The following NCKAP5 variants were observed in gnomAD, a reference collection of about 807,000 sequenced individuals.
The protein encoded by NCKAP5 is nck-associated protein 5.
NCKAP5 carries 92 observed loss-of-function variants against 167.0 expected under a neutral mutation model. The ratio of observed to expected loss-of-function variants is 0.55; its 90% CI spans 0.47 to 0.66. The LOEUF is 0.66. NCKAP5 is among the 30% of genes least tolerant of loss of function. NCKAP5 has a pLI of 0.00. For synonymous variants in NCKAP5, 891 were observed against 877.4 expected (o/e 1.02, Z -0.27); for missense variants, 2,378 against 2,315.0 (o/e 1.03, Z -0.56).
At chr2:133,646,552 G>A in the NCKAP5 span, among the ~76,000 whole-genome samples, 1 of 152,004 alleles carries the variant, frequency 6.6e-6, no homozygotes, top group Admixed American at 6.6e-5. Flanking sequence ...AAAAGCTGAG[G>A]GAGTTTGTTT....
intron 7 of NCKAP5, among the ~76,000 whole-genome samples, chr2:132,965,628 C>T (rs1337777643): frequency 6.6e-6 from 1 of 152,092 alleles, no homozygotes; most frequent in Non-Finnish European, 1.5e-5. Flanking sequence ...CACATATACA[C>T]AGTCACACAT....
intron 8 of NCKAP5, among the ~76,000 whole-genome samples, chr2:132,943,493 C>T (rs1372380663): frequency 1.3e-5 from 2 of 152,208 alleles, no homozygotes; most frequent in African/African-American, 4.8e-5. Flanking sequence ...ATGCAAAGAG[C>T]TGAGAGAAAG....
At chr2:133,308,174 C>T (rs1200142416) in intron 3 of NCKAP5, among the ~76,000 whole-genome samples, 91 of 146,894 alleles carry the variant, frequency 6.2e-4, no homozygotes, top group Admixed American at 8.1e-4. Context: ...CTGCAAGCTC[C>T]GCCTCCCGGG....
chr2:133,233,735 A>G (rs2087261538), intron 4 of NCKAP5, among the ~76,000 whole-genome samples: 1 of 152,194 alleles, frequency 6.6e-6, no homozygotes, highest in Non-Finnish European at 1.5e-5. Flanking sequence ...TGTAGCTGCT[A>G]CTATTCTACA....
the NCKAP5 span, among the ~76,000 whole-genome samples, chr2:133,593,170 C>A: frequency 1.2e-4 from 18 of 152,328 alleles, no homozygotes; most frequent in East Asian, 3.3e-3. Context: ...CCCAGAACTA[C>A]TTCTTTAAAA....
chr2:132,960,977 T>C (rs577233324), intron 8 of NCKAP5, among the ~76,000 whole-genome samples: 61 of 152,304 alleles, frequency 4.0e-4, no homozygotes, highest in Middle Eastern at 3.4e-3. Context: ...TGAGCCTAGC[T>C]GCCTTCCAAA....
rs1448353471 is a variant in NCKAP5 at position 133,528,397 on chromosome 2, A to G, written c.-61-10810T>C. Among the ~76,000 whole-genome samples, 3 of 151,240 alleles carry G rather than the reference A, an allele frequency of 2.0e-5. 1 individual carries two copies. Among genetic ancestry groups the G allele is most frequent in the South Asian group, 4.2e-4 (2 of 4,784 alleles). On this transcript the variant is annotated intron_variant, in intron 2 of 19. Transcript: ENST00000409261. ...AAGGCTCAGGAATAAAAGGAGTTCT[A>G]TGGATATTTGGACAGACCAGTGCTT...
intron 6 of NCKAP5, among the ~76,000 whole-genome samples, chr2:133,031,854 C>T (rs2078891329): frequency 1.3e-5 from 2 of 152,124 alleles, no homozygotes; most frequent in Non-Finnish European, 2.9e-5. Flanking sequence ...TATCTAGAAA[C>T]ACTCTGGGCC....
At chr2:133,105,392 A>T (rs1014629353) in intron 6 of NCKAP5, among the ~76,000 whole-genome samples, 1 of 151,044 alleles carries the variant, frequency 6.6e-6, no homozygotes, top group Non-Finnish European at 1.5e-5. Context: ...CTCTGGTTTT[A>T]GTTTGGGAAA....
At chr2:132,840,736 G>C (rs1688240068) in intron 11 of NCKAP5, among the ~76,000 whole-genome samples, 1 of 152,058 alleles carries the variant, frequency 6.6e-6, no homozygotes, top group African/African-American at 2.4e-5. Context: ...GACTGCCAAT[G>C]GCACCATGTA....
At chr2:132,713,384 TGGA>T (rs34091375) in intron 19 of NCKAP5, among the ~76,000 whole-genome samples, 101,105 of 151,670 alleles carry the variant, frequency 0.67, 33,881 homozygotes, top group East Asian at 0.85. Flanking sequence ...TGGCAGTATC[TGGA>T]GGAAGATATC....
rs202180979 is a variant in NCKAP5, at chr2:132,783,190, A to T, written c.3621T>A (p.Asn1207Lys). 6.3e-5 allele frequency: 102 copies of T among 1,613,912 alleles called. No individual in the cohort carries two copies. In the African/African-American group the frequency reaches 8.3e-4, roughly 13 times the overall value. ...GTGCTTGTGAATCCGGTAGGGTCAC[A>T]TTTCTTTCACCCGCTGTGATCTCCA... ...ASMEITAGER[N>K]VTLPDSQAQG... The change falls in exon 14 of 20, where the codon AAT becomes AAA. Residue 1207 changes from asparagine to lysine, a missense_variant. This residue lies in a region of NCKAP5 where 1,325 missense variants were observed against 1,274.5 expected (regional missense o/e 1.04). Coordinates refer to ENST00000409261, the MANE Select transcript of NCKAP5 (RefSeq NM_207363.3).
intron 3 of NCKAP5, among the ~76,000 whole-genome samples, chr2:133,385,041 T>C (rs1031905143): frequency 6.6e-6 from 1 of 152,158 alleles, no homozygotes; most frequent in African/African-American, 2.4e-5. Flanking sequence ...GCTTTATTTC[T>C]TTCTCCTGCC....
chr2:132,863,311 T>C (rs1006760272), intron 10 of NCKAP5, among the ~76,000 whole-genome samples: 3 of 151,982 alleles, frequency 2.0e-5, no homozygotes, highest in Non-Finnish European at 4.4e-5. Flanking sequence ...AACACAATCA[T>C]CCTCATTTGC....
chr2:133,602,347 A>G, the NCKAP5 span, among the ~76,000 whole-genome samples: 1 of 152,188 alleles, frequency 6.6e-6, no homozygotes. Context: ...GAATGTGAGC[A>G]GTGAGGCATT....
At chr2:132,689,807 T>C (rs1222081538) in intron 19 of NCKAP5, among the ~76,000 whole-genome samples, 1 of 152,190 alleles carries the variant, frequency 6.6e-6, no homozygotes, top group Non-Finnish European at 1.5e-5. Flanking sequence ...ATGGGAAATA[T>C]TTATATATTA....
At chr2:132,778,017 C>G (rs1031008077) in intron 15 of NCKAP5, among the ~76,000 whole-genome samples, 1 of 151,868 alleles carries the variant, frequency 6.6e-6, no homozygotes, top group Non-Finnish European at 1.5e-5. Context: ...TAAATAGGAG[C>G]CTAGAGCTGT....
At chr2:132,906,364 G>C (rs1479921465) in intron 8 of NCKAP5, among the ~76,000 whole-genome samples, 1 of 152,178 alleles carries the variant, frequency 6.6e-6, no homozygotes, top group Non-Finnish European at 1.5e-5. Context: ...CAAAATTACA[G>C]AAGCAGATGG....
intron 8 of NCKAP5, among the ~76,000 whole-genome samples, chr2:132,952,137 T>C (rs1367082623): frequency 6.6e-6 from 1 of 152,206 alleles, no homozygotes; most frequent in Non-Finnish European, 1.5e-5. Context: ...AACAAGGCCA[T>C]GGCTACATAA....
Sources: allele counts gnomAD v4.1 joint callset (sites outside exome capture counted in the v4.1 genomes callset), GRCh38; gene constraint gnomAD v4.1.1; regional missense constraint gnomAD v4.1.1; transcripts MANE v1.5; gene names NCBI Gene and HGNC (gene_info 2026-07-23, HGNC 2026-07-21).